Variants in B3GLCT observed in about 807,000 individuals in gnomAD.
B3GLCT encodes the protein beta 3-glucosyltransferase.
A neutral mutation model predicts 63.4 loss-of-function variants in B3GLCT; 65 were observed. The ratio of observed to expected loss-of-function variants is 1.03; its 90% CI spans 0.84 to 1.26. B3GLCT has a LOEUF of 1.26. Ranked by LOEUF, B3GLCT falls within the 50% of genes most tolerant of loss-of-function variation. The pLI is 0.00. For synonymous variants in B3GLCT, 233 were observed against 219.2 expected (o/e 1.06, Z -0.55); for missense variants, 577 against 604.8 (o/e 0.95, Z 0.48).
intron 6 of B3GLCT, chr13:31,260,281 C>T (rs901369327): frequency 6.6e-6 from 1 of 152,174 alleles, no homozygotes. Context: ...AAATGCTAGT[C>T]TTCATTAGAT....
intron 5 of B3GLCT, among the ~76,000 whole-genome samples, chr13:31,247,590 TAAAG>T (rs1939326623): frequency 6.6e-6 from 1 of 152,206 alleles, no homozygotes; most frequent in African/African-American, 2.4e-5. Context: ...TGCTTTTTCT[TAAAG>T]AATAAAATGC....
At chr13:31,281,286 A>G (rs895101966) in intron 10 of B3GLCT, among the ~76,000 whole-genome samples, 10 of 152,120 alleles carry the variant, frequency 6.6e-5, no homozygotes, top group Non-Finnish European at 1.5e-4. Flanking sequence ...TTAAAAAAAA[A>G]CAAAAACAAA....
chr13:31,297,472 A>G (rs1284902590), intron 12 of B3GLCT, among the ~76,000 whole-genome samples: 1 of 147,510 alleles, frequency 6.8e-6, no homozygotes. Context: ...AAACTGAGCT[A>G]TTTTCCCCTC....
intron 2 of B3GLCT, among the ~76,000 whole-genome samples, chr13:31,219,748 G>A (rs1869730396): frequency 6.6e-6 from 1 of 152,190 alleles, no homozygotes; most frequent in Non-Finnish European, 1.5e-5. Context: ...TACCTGATAA[G>A]ACAAGAACAA....
chr13:31,248,602 AAG>A (rs1459730196), intron 6 of B3GLCT, among the ~76,000 whole-genome samples: 3 of 152,202 alleles, frequency 2.0e-5, no homozygotes, highest in African/African-American at 7.2e-5. Flanking sequence ...GCAAGAGAGA[AAG>A]AGGGTCTACC....
rs7988030 is a variant in B3GLCT, at chr13:31,248,886, G to A, written c.459+920G>A. On this transcript the variant is annotated intron_variant, in intron 6 of 14. Transcript: ENST00000343307. ...GCTGCTGGGCTATGTTCAAAGGCTC[G>A]TTAGGTTTAGAGAGCTGCCTTGGAA... Among the ~76,000 whole-genome samples, 1,031 of 152,248 alleles carry A rather than the reference G, an allele frequency of 6.8e-3. 12 individuals carry two copies. Among genetic ancestry groups the A allele is most frequent in the African/African-American group, 0.023 (971 of 41,546 alleles).
intron 2 of B3GLCT, among the ~76,000 whole-genome samples, chr13:31,215,421 AT>A (rs1197681620): frequency 2.0e-5 from 3 of 151,584 alleles, no homozygotes; most frequent in African/African-American, 4.8e-5. Flanking sequence ...ACCTTTTTTT[AT>A]TTCTTTTTTG....
At chr13:31,266,531 TAGGTATTGCCTTTTA>T (rs1208505399) in intron 7 of B3GLCT, among the ~76,000 whole-genome samples, 2 of 152,202 alleles carry the variant, frequency 1.3e-5, no homozygotes. Context: ...TTACCACTAT[TAGGTATTGCCTTTTA>T]AGTTAGTTGG....
chr13:31,202,161 A>G (rs116791620), intron 1 of B3GLCT, among the ~76,000 whole-genome samples: 6,505 of 152,320 alleles, frequency 0.043, 154 homozygotes, highest in Non-Finnish European at 0.052. Flanking sequence ...AAATATTCCC[A>G]TATAAGATTG....
chr13:31,221,336 C>A (rs551364140), intron 2 of B3GLCT, among the ~76,000 whole-genome samples: 20 of 152,308 alleles, frequency 1.3e-4, no homozygotes, highest in African/African-American at 4.6e-4. Context: ...CTGAGGCTGG[C>A]CCCTTCCCTG....
chr13:31,206,612 G>T (rs1868969166), intron 1 of B3GLCT, among the ~76,000 whole-genome samples: 1 of 151,504 alleles, frequency 6.6e-6, no homozygotes, highest in Non-Finnish European at 1.5e-5. Context: ...AAGGTAGCCG[G>T]GCATGGTGGC....
intron 8 of B3GLCT, among the ~76,000 whole-genome samples, chr13:31,271,414 C>G (rs1390024023): frequency 6.6e-6 from 1 of 152,142 alleles, no homozygotes; most frequent in African/African-American, 2.4e-5. Flanking sequence ...CTATTACAAC[C>G]ATTGCTTCTA....
intron 1 of B3GLCT, among the ~76,000 whole-genome samples, chr13:31,208,692 A>T (rs1869108643): frequency 7.8e-6 from 1 of 127,680 alleles, no homozygotes; most frequent in African/African-American, 2.9e-5. Context: ...TGGCCTTCCC[A>T]CTGGCATGTT....
At chr13:31,226,013 G>A (rs1004552879) in intron 3 of B3GLCT, among the ~76,000 whole-genome samples, 2 of 152,188 alleles carry the variant, frequency 1.3e-5, no homozygotes, top group Non-Finnish European at 2.9e-5. Flanking sequence ...CGTTCACTCA[G>A]GGAGACTGCA....
chr13:31,264,689 A>C (rs1424676148), intron 7 of B3GLCT, among the ~76,000 whole-genome samples: 1 of 152,186 alleles, frequency 6.6e-6, no homozygotes, highest in Non-Finnish European at 1.5e-5. Flanking sequence ...AGAAACTGGT[A>C]TTATACTCAG....
intron 6 of B3GLCT, among the ~76,000 whole-genome samples, chr13:31,250,470 T>C (rs34568579): frequency 0.33 from 49,985 of 152,212 alleles, 9,145 homozygotes; most frequent in Non-Finnish European, 0.42. Context: ...CCACCACACC[T>C]GGCCTAAATT....
chr13:31,223,562 T>C (rs906929407), intron 3 of B3GLCT, among the ~76,000 whole-genome samples: 1 of 152,140 alleles, frequency 6.6e-6, no homozygotes, highest in Non-Finnish European at 1.5e-5. Context: ...TGTACTCCTT[T>C]TGAAACACCC....
At chr13:31,247,421 G>A (rs187822591) in intron 5 of B3GLCT, among the ~76,000 whole-genome samples, 80 of 152,038 alleles carry the variant, frequency 5.3e-4, no homozygotes, top group Non-Finnish European at 1.0e-3. Context: ...GACTACAGGC[G>A]TGCACCACCA....
chr13:31,279,806 C>T (rs937726852), intron 10 of B3GLCT, among the ~76,000 whole-genome samples: 1 of 152,174 alleles, frequency 6.6e-6, no homozygotes. Flanking sequence ...TATTTCATCC[C>T]TTATCAACGA....
Sources: allele counts gnomAD v4.1 joint callset (sites outside exome capture counted in the v4.1 genomes callset), GRCh38; gene constraint gnomAD v4.1.1; transcripts MANE v1.5; gene names NCBI Gene and HGNC (gene_info 2026-07-23, HGNC 2026-07-21).